Variants in CEP131 observed in about 807,000 individuals in gnomAD.
The protein encoded by CEP131 is centrosomal protein 131.
Under a neutral mutation model 136.8 loss-of-function variants are expected in CEP131, and 99 were observed. The observed-to-expected ratio is 0.72, with a 90% CI of 0.62 to 0.86. CEP131 has a LOEUF of 0.86. Ranked by LOEUF, CEP131 falls within the 40% of genes least tolerant of loss-of-function variation. CEP131 has a pLI of 0.00. For synonymous variants in CEP131, 646 were observed against 612.7 expected (o/e 1.05, Z -0.80); for missense variants, 1,459 against 1,463.0 (o/e 1.00, Z 0.04).
Position 81,206,801 on chromosome 17 carries a change from C to T in CEP131, c.458G>A (p.Gly153Asp). The T allele has an allele frequency of 6.2e-7, 1 of 1,614,120 alleles. No homozygotes were observed. Among genetic ancestry groups the T allele is most frequent in the Non-Finnish European group, 8.5e-7 (1 of 1,180,020 alleles). ...RSSSALDSPA[G>D]PRRKECTVAL... ...CACGGTGCATTCTTTCCTCCGCGGG[C>T]CCGCTGGTGAGTCAAGGGCACTGGA... The change falls in exon 5 of 26, where the codon GGC becomes GAC. Residue 153 changes from glycine (G) to aspartate (D), a missense_variant. This residue lies in a region of CEP131 where 246 missense variants were observed against 318.9 expected (regional missense o/e 0.77). Coordinates refer to ENST00000450824, the MANE Select transcript of CEP131 (RefSeq NM_014984.4).
intron 13 of CEP131, 75 bp downstream of exon 13, chr17:81,197,637 C>A: frequency 3.3e-6 from 5 of 1,506,740 alleles, no homozygotes; most frequent in Non-Finnish European, 4.4e-6. Context: ...GGGGCCTCCT[C>A]CCCCGAGGGC....
At position 81,206,903 on chromosome 17, in the gene CEP131, G is replaced by A. The variant is rs369621701; in HGVS notation, c.388-32C>T. On this transcript the variant is annotated intron_variant, in intron 4 of 25. Transcript: ENST00000450824. ...GACAGCTCAGCCCATGACACCGCCC[G>A]CACACACCCAGACACCCCATCCCTT... 4.2e-5 allele frequency: 68 copies of A among 1,602,538 alleles called. No individual in the cohort carries two copies. The African/African-American group carries it at 5.4e-4, about 13-fold the overall frequency.
chr17:81,199,267 GGCC>G, intron 10 of CEP131, 111 bp downstream of exon 10: 1 of 1,268,648 alleles, frequency 7.9e-7, no homozygotes. Context: ...CGAGGACTGG[GGCC>G]GCCAACATGG....
intron 2 of CEP131, among the ~76,000 whole-genome samples, chr17:81,213,260 G>A (rs560047872): frequency 6.6e-6 from 1 of 152,254 alleles, no homozygotes; most frequent in East Asian, 1.9e-4. Flanking sequence ...ATAAATGATT[G>A]AAAAAATTAA....
chr17:81,208,876 C>G lies in CEP131; in HGVS notation c.272+52G>C. 1 of 1,423,772 alleles carries G rather than the reference C, an allele frequency of 7.0e-7. No individual in the cohort carries two copies. The highest frequency in any genetic ancestry group is 9.9e-7 in the Non-Finnish European group (1 of 1,014,672). The allele number at this position is 1,423,772 out of a possible 1,614,324, so 88.2% of individuals were successfully genotyped here. A position where few individuals can be genotyped will look rare whatever the true frequency, so the allele number is the denominator to read the frequency against. On this transcript the variant is annotated intron_variant, in intron 3 of 25. Transcript: ENST00000450824. The surrounding 1 kb of genome is among the most constrained non-coding windows in gnomAD (Gnocchi z 5.6). ...CAGGGAGGAGCAGGCCAGGGTGGGG[C>G]ACCTGAGGTCCCGGGAAGGGGCCAG...
At position 81,203,957 on chromosome 17, in the gene CEP131, T is replaced by C. The variant is rs963097955; in HGVS notation, c.516-350A>G. 2 of 234,638 alleles carry C rather than the reference T, an allele frequency of 8.5e-6. No homozygotes were observed. The highest frequency in any genetic ancestry group is 1.7e-5 in the Non-Finnish European group (2 of 118,656). The allele number at this position is 234,638 out of a possible 1,614,324, so 14.5% of individuals were successfully genotyped here. ...GCGAAGCCCCATCCCACACGACGGATGGAAGCCACATTCTCTGCCTCTGCC... is the reference window on the plus strand; with the variant it reads ...GCGAAGCCCCATCCCACACGACGGACGGAAGCCACATTCTCTGCCTCTGCC... On this transcript the variant is annotated intron_variant, in intron 5 of 25. Coordinates refer to ENST00000450824, the MANE Select transcript of CEP131 (RefSeq NM_014984.4). This position sits in a 1 kb window ranked among gnomAD's most constrained non-coding sequence, Gnocchi z 4.6.
At position 81,203,827 on chromosome 17, in the gene CEP131, C is replaced by T. The variant is rs561632207; in HGVS notation, c.516-220G>A. On this transcript the variant is annotated intron_variant, in intron 5 of 25. Transcript: ENST00000450824. This position sits in a 1 kb window ranked among gnomAD's most constrained non-coding sequence, Gnocchi z 4.6. ...AGGAAAGCTGGACCAGGGGCTCCCACGGGGCAGGGGATAGAATCGAGGCAT... is the reference window on the plus strand; with the variant it reads ...AGGAAAGCTGGACCAGGGGCTCCCATGGGGCAGGGGATAGAATCGAGGCAT... The T allele has an allele frequency of 3.6e-5, 20 of 554,224 alleles. No individual in the cohort carries two copies. Among genetic ancestry groups the T allele is most frequent in the South Asian group, 3.3e-4 (15 of 44,802 alleles). 34.3% of individuals were successfully genotyped at this position (554,224 alleles called of 1,614,324 possible).
intron 22 of CEP131, 24 bp downstream of exon 22, chr17:81,191,169 G>A (rs1280380580): frequency 1.9e-6 from 3 of 1,610,646 alleles, no homozygotes; most frequent in East Asian, 2.2e-5. Flanking sequence ...CCCAGCTGGT[G>A]ACCCAGCCAT....
Position 81,192,394 on chromosome 17 carries a change from T to TG in CEP131, c.2548-3dup, listed in dbSNP as rs758337262. On this transcript the variant is annotated splice_region_variant and splice_polypyrimidine_tract_variant and intron_variant, in intron 20 of 25. Coordinates refer to ENST00000450824, the MANE Select transcript of CEP131 (RefSeq NM_014984.4). ...CTGCTTCAGGGTATTCAGCTCCATC[T>TG]GGGGGGCGGACATAAGAGGCCAGTC... The TG allele has an allele frequency of 2.5e-6, 4 of 1,609,034 alleles. No homozygotes were observed. Among genetic ancestry groups the TG allele is most frequent in the South Asian group, 1.1e-5 (1 of 90,406 alleles).
intron 2 of CEP131, among the ~76,000 whole-genome samples, chr17:81,216,530 T>C (rs2062249891): frequency 6.6e-6 from 1 of 151,954 alleles, no homozygotes; most frequent in Admixed American, 6.6e-5. Flanking sequence ...GACCCCGTCT[T>C]AAAAAGAAAA....
Position 81,208,031 on chromosome 17 carries a change from ACAC to A in CEP131, c.273-795_273-793del, listed in dbSNP as rs1385291693. Among the ~76,000 whole-genome samples, 1 of 56,856 alleles carries A rather than the reference ACAC, an allele frequency of 1.8e-5. No homozygotes were observed. Among genetic ancestry groups the A allele is most frequent in the Non-Finnish European group, 3.7e-5 (1 of 26,800 alleles). The allele number at this position is 56,856 out of a possible 152,430, so 37.3% of individuals were successfully genotyped here. A position where few individuals can be genotyped will look rare whatever the true frequency, so the allele number is the denominator to read the frequency against. Reference sequence around the variant, plus strand: ...CACACCACTCACACCACACACCCACACACCACACACCCCCCACACACACCACAC... The same window carrying A: ...CACACCACTCACACCACACACCCACACACACACCCCCCACACACACCACAC... On this transcript the variant is annotated intron_variant, in intron 3 of 25. Transcript: ENST00000450824. The surrounding 1 kb of genome is among the most constrained non-coding windows in gnomAD (Gnocchi z 5.6).
At chr17:81,191,803 G>C (rs1319679515) in intron 21 of CEP131, among the ~76,000 whole-genome samples, 2 of 152,206 alleles carry the variant, frequency 1.3e-5, no homozygotes, top group African/African-American at 4.8e-5. Flanking sequence ...CACTGCCAAA[G>C]CCTGCCTGGC....
At chr17:81,205,564 AT>A (rs1231667081) in intron 5 of CEP131, among the ~76,000 whole-genome samples, 1 of 151,594 alleles carries the variant, frequency 6.6e-6, no homozygotes, top group Non-Finnish European at 1.5e-5. Flanking sequence ...GCTGTTTGAC[AT>A]TTTGGCTGTG....
intron 16 of CEP131, among the ~76,000 whole-genome samples, chr17:81,195,427 AG>A (rs1447073478): frequency 6.6e-6 from 1 of 152,178 alleles, no homozygotes; most frequent in African/African-American, 2.4e-5. Flanking sequence ...AGGGAGGCTG[AG>A]GCCCCCAGGG....
chr17:81,197,850 C>T lies in CEP131; in HGVS notation c.1509G>A (p.Glu503=). Residue 503 remains glutamate, a synonymous_variant, in exon 13 of 26, where the codon GAG becomes GAA. Transcript: ENST00000450824. ...DASSLTADNL[E]KFGKLSAFPE... Reference sequence around the variant, plus strand: ...GGAACGCACTGAGTTTTCCAAATTTCTCCAAGTTGTCAGCTGTCAGAGAGC... The same window carrying T: ...GGAACGCACTGAGTTTTCCAAATTTTTCCAAGTTGTCAGCTGTCAGAGAGC... 1.2e-6 allele frequency: 2 copies of T among 1,613,138 alleles called. No homozygotes were observed. Among genetic ancestry groups the T allele is most frequent in the Non-Finnish European group, 1.7e-6 (2 of 1,179,906 alleles).
At chr17:81,200,262 C>T (rs991007421) in intron 8 of CEP131, 67 bp downstream of exon 8, 8 of 1,291,304 alleles carry the variant, frequency 6.2e-6, no homozygotes, top group African/African-American at 5.9e-5. Flanking sequence ...CCCAGAAACT[C>T]AAACCCCTGG....
intron 1 of CEP131, among the ~76,000 whole-genome samples, chr17:81,221,250 G>A (rs375640944): frequency 3.3e-5 from 5 of 151,976 alleles, no homozygotes; most frequent in African/African-American, 7.3e-5. Flanking sequence ...AGCAGGGGAC[G>A]GGGGTTCTGA....
Position 81,222,925 on chromosome 17 carries a change from A to G in CEP131, c.-174T>C, listed in dbSNP as rs1261045224. The stretch of plus-strand genomic sequence containing the variant: ...AACACTGCCCCGAGGCCCGGTGACA[A>G]TGAAGCGGCCGGACGGCCGGGGTGA... On this transcript the variant is annotated 5_prime_UTR_variant, in exon 1 of 26. Coordinates refer to ENST00000450824, the MANE Select transcript of CEP131 (RefSeq NM_014984.4). 2.0e-5 allele frequency: 3 copies of G among 152,228 alleles called. No homozygotes were observed. The highest frequency in any genetic ancestry group is 7.2e-5 in the African/African-American group (3 of 41,444). The allele number at this position is 152,228 out of a possible 1,614,324, so 9.4% of individuals were successfully genotyped here. A position where few individuals can be genotyped will look rare whatever the true frequency, so the allele number is the denominator to read the frequency against.
chr17:81,216,086 G>A (rs1359687266), intron 2 of CEP131, among the ~76,000 whole-genome samples: 1 of 152,152 alleles, frequency 6.6e-6, no homozygotes, highest in Non-Finnish European at 1.5e-5. Context: ...TAGGCTGGGT[G>A]TGGTGGCTCA....
Sources: gnomAD v4.1 joint callset for allele counts (sites outside exome capture counted in the v4.1 genomes callset) on GRCh38, gnomAD v4.1.1 for gene constraint, gnomAD v4.1.1 regional missense constraint, Gnocchi (gnomAD v3.1) non-coding constraint, MANE v1.5 for transcripts, NCBI Gene and HGNC (gene_info 2026-07-23, HGNC 2026-07-21) for gene names.